CDH13: variants seen among roughly 807,000 people sequenced by gnomAD.
CDH13 encodes cadherin 13.
Under a neutral mutation model 63.8 loss-of-function variants are expected in CDH13, and 24 were observed. The ratio of observed to expected loss-of-function variants is 0.38; its 90% confidence interval spans 0.27 to 0.53. CDH13 has a LOEUF of 0.53. Ranked by LOEUF, CDH13 falls within the 20% of genes least tolerant of loss-of-function variation. CDH13 has a pLI of 0.85. For synonymous variants in CDH13, 503 were observed against 355.3 expected (o/e 1.42, Z -4.67); for missense variants, 1,049 against 903.1 (o/e 1.16, Z -2.07).
intron 4 of CDH13, among the ~76,000 whole-genome samples, chr16:83,201,929 A>G (rs1421170263): frequency 6.6e-6 from 1 of 152,012 alleles, no homozygotes; most frequent in East Asian, 1.9e-4. Flanking sequence ...ATAAATAAAA[A>G]AGATTGAGTA....
At chr16:82,750,903 A>T (rs2034387689) in intron 1 of CDH13, among the ~76,000 whole-genome samples, 1 of 152,234 alleles carries the variant, frequency 6.6e-6, no homozygotes, top group Non-Finnish European at 1.5e-5. Flanking sequence ...CACTTAAAAC[A>T]AGTGTCTTTA....
intron 7 of CDH13, among the ~76,000 whole-genome samples, chr16:83,495,769 G>T (rs2074125526): frequency 6.6e-6 from 1 of 152,116 alleles, no homozygotes; most frequent in Admixed American, 6.6e-5. Flanking sequence ...GGCTTGTAGA[G>T]CATGATTCCC....
chr16:83,043,509 G>GTGTGTGTGTGTGTGTGTGTT (rs1917510995), intron 3 of CDH13, among the ~76,000 whole-genome samples: 5 of 151,286 alleles, frequency 3.3e-5, no homozygotes, highest in African/African-American at 7.3e-5. Context: ...GTGTGTGTGT[G>GTGTGTGTGTGTGTGTGTGTT]TGTGTGTGTG....
chr16:83,377,326 C>T (rs1189442787), intron 6 of CDH13, among the ~76,000 whole-genome samples: 4 of 152,170 alleles, frequency 2.6e-5, no homozygotes, highest in Non-Finnish European at 4.4e-5. Context: ...ACACATCTGG[C>T]CCACACCCAG....
intron 1 of CDH13, among the ~76,000 whole-genome samples, chr16:82,630,652 T>A (rs1415090242): frequency 6.6e-6 from 1 of 152,222 alleles, no homozygotes; most frequent in African/African-American, 2.4e-5. Flanking sequence ...AAGTTCAATG[T>A]TTAGGTTAAA....
intron 3 of CDH13, among the ~76,000 whole-genome samples, chr16:83,052,294 C>G (rs951723892): frequency 6.6e-6 from 1 of 152,138 alleles, no homozygotes; most frequent in Non-Finnish European, 1.5e-5. Flanking sequence ...GTCAACATTT[C>G]TTTGGCAAGA....
Position 82,684,283 on chromosome 16 carries a change from A to G in CDH13, c.45+57146A>G, listed in dbSNP as rs796518216. Among the ~76,000 whole-genome samples, 10 of 152,316 alleles carry G rather than the reference A, an allele frequency of 6.6e-5. 1 individual carries two copies. The highest frequency in any genetic ancestry group is 2.4e-4 in the African/African-American group (10 of 41,570). ...GTGAGAGTAAACCATGGTGTCTGAC[A>G]TAAGGGTTTCCTTGATTACCCTTTA... On this transcript the variant is annotated intron_variant, in intron 1 of 13. Coordinates refer to ENST00000567109, the MANE Select transcript of CDH13 (RefSeq NM_001257.5).
At chr16:82,654,364 C>T (rs1262564562) in intron 1 of CDH13, among the ~76,000 whole-genome samples, 2 of 152,210 alleles carry the variant, frequency 1.3e-5, no homozygotes, top group Admixed American at 6.5e-5. Context: ...AGAGATGGTT[C>T]TTTCCCCTTG....
At chr16:83,635,234 C>G (rs1028122634) in intron 8 of CDH13, among the ~76,000 whole-genome samples, 2 of 150,950 alleles carry the variant, frequency 1.3e-5, no homozygotes, top group African/African-American at 4.9e-5. Context: ...CGTCAGTGTT[C>G]TCTTTGGTGA....
At chr16:83,151,531 C>T (rs527535909) in intron 4 of CDH13, among the ~76,000 whole-genome samples, 9 of 152,200 alleles carry the variant, frequency 5.9e-5, no homozygotes, top group South Asian at 4.1e-4. Flanking sequence ...CAACTGAACC[C>T]CTAAAAGGCG....
chr16:83,652,946 C>A (rs960759523), intron 8 of CDH13, among the ~76,000 whole-genome samples: 1 of 152,242 alleles, frequency 6.6e-6, no homozygotes, highest in Non-Finnish European at 1.5e-5. Flanking sequence ...GGTCCATCCA[C>A]ATGACGGAAT....
intron 7 of CDH13, among the ~76,000 whole-genome samples, chr16:83,507,403 T>A (rs1009374125): frequency 6.6e-6 from 1 of 152,188 alleles, no homozygotes; most frequent in African/African-American, 2.4e-5. Flanking sequence ...CAAATACATT[T>A]AAAGCCAGTG....
At chr16:82,771,986 G>A (rs1002092313) in intron 1 of CDH13, among the ~76,000 whole-genome samples, 1 of 152,212 alleles carries the variant, frequency 6.6e-6, no homozygotes, top group East Asian at 1.9e-4. Flanking sequence ...GCAGGCAGGG[G>A]CACAAGTTGT....
chr16:82,645,536 A>G (rs973061175), intron 1 of CDH13, among the ~76,000 whole-genome samples: 3 of 152,060 alleles, frequency 2.0e-5, no homozygotes, highest in African/African-American at 7.2e-5. Context: ...GCTGTTCAAC[A>G]TCCTACAATG....
intron 2 of CDH13, among the ~76,000 whole-genome samples, chr16:82,905,789 G>T (rs1279654338): frequency 3.9e-5 from 6 of 152,120 alleles, no homozygotes; most frequent in Non-Finnish European, 8.8e-5. Context: ...TTAGAATCCA[G>T]TGTGTATTTA....
At chr16:83,195,105 T>G (rs1478813332) in intron 4 of CDH13, among the ~76,000 whole-genome samples, 2 of 152,212 alleles carry the variant, frequency 1.3e-5, no homozygotes, top group African/African-American at 4.8e-5. Context: ...AATTATTTTT[T>G]TCAGAGGAAG....
At chr16:82,873,168 T>A (rs2040399764) in intron 2 of CDH13, among the ~76,000 whole-genome samples, 1 of 152,198 alleles carries the variant, frequency 6.6e-6, no homozygotes, top group South Asian at 2.1e-4. Context: ...ACACTTAGGC[T>A]GAGGGAGTAA....
chr16:83,585,734 C>CA (rs894750538), intron 7 of CDH13, among the ~76,000 whole-genome samples: 26 of 146,768 alleles, frequency 1.8e-4, no homozygotes, highest in African/African-American at 5.0e-4. Context: ...GGCAACCTAC[C>CA]AAAAAAAAAA....
At chr16:82,748,442 T>C (rs928285253) in intron 1 of CDH13, among the ~76,000 whole-genome samples, 7 of 152,182 alleles carry the variant, frequency 4.6e-5, no homozygotes, top group African/African-American at 1.7e-4. Context: ...GGGAATCATC[T>C]CTTGGTAGTG....
Sources: allele counts gnomAD v4.1 joint callset (sites outside exome capture counted in the v4.1 genomes callset), GRCh38; gene constraint gnomAD v4.1.1; transcripts MANE v1.5; gene names NCBI Gene and HGNC (gene_info 2026-07-23, HGNC 2026-07-21).